Variants in ZBTB16 observed in about 807,000 individuals in gnomAD.
ZBTB16 encodes zinc finger and BTB domain-containing protein 16.
In ZBTB16, 8 loss-of-function variants were observed where a neutral mutation model predicts 56.8. That is an observed-to-expected ratio of 0.14 (90% CI 0.08 to 0.25). The LOEUF is 0.25. Among genes scored for constraint, ZBTB16 ranks in the 10% least tolerant of loss-of-function variants. The probability of loss-of-function intolerance (pLI) is 1.00; values close to 1 mark genes in which losing one functional copy is unlikely to be tolerated. For missense variants in ZBTB16, 625 were observed against 903.0 expected (o/e 0.69, Z 3.95); for synonymous variants, 363 against 368.5 (o/e 0.98, Z 0.17).
chr11:114,074,781 A>G (rs1027663691), intron 2 of ZBTB16, among the ~76,000 whole-genome samples: 1 of 152,224 alleles, frequency 6.6e-6, no homozygotes, highest in Non-Finnish European at 1.5e-5. Context: ...TGTTGCCGCT[A>G]AAGGTCCGCG....
At chr11:114,245,649 T>C (rs1305192464) in intron 5 of ZBTB16, among the ~76,000 whole-genome samples, 1 of 152,138 alleles carries the variant, frequency 6.6e-6, no homozygotes, top group Non-Finnish European at 1.5e-5. Context: ...TGCGAGTCTA[T>C]AACGAGAAGG....
intron 2 of ZBTB16, among the ~76,000 whole-genome samples, chr11:114,102,458 T>C (rs1021875654): frequency 6.6e-6 from 1 of 152,142 alleles, no homozygotes; most frequent in African/African-American, 2.4e-5. Flanking sequence ...TCATCACTCT[T>C]CTCCTTCATC....
At chr11:114,087,102 C>T (rs889485559) in intron 2 of ZBTB16, among the ~76,000 whole-genome samples, 4 of 152,156 alleles carry the variant, frequency 2.6e-5, no homozygotes, top group Non-Finnish European at 5.9e-5. Context: ...GGCCACCTCC[C>T]CCTCTTCCTG....
chr11:114,061,701 C>T (rs761044109), intron 1 of ZBTB16: 2 of 152,252 alleles, frequency 1.3e-5, no homozygotes, highest in African/African-American at 2.4e-5. Flanking sequence ...CTCCTGTAAG[C>T]GAGGTTTGGA....
At chr11:114,067,874 C>T (rs1184982621) in intron 2 of ZBTB16, among the ~76,000 whole-genome samples, 2 of 152,032 alleles carry the variant, frequency 1.3e-5, no homozygotes, top group Non-Finnish European at 1.5e-5. Flanking sequence ...CCCCTCGGGT[C>T]CCAGCTAGAT....
In ZBTB16 at chr11:114,252,779, C is replaced by T. The variant is rs979170094; in HGVS notation, c.*2224C>T. ...GGAGGGATGGGTGCTGCTGCGACGACCCCCCCGTCCCTCGGCCCCAGCCCT... is the reference window on the plus strand; with the variant it reads ...GGAGGGATGGGTGCTGCTGCGACGATCCCCCCGTCCCTCGGCCCCAGCCCT... On this transcript the variant is annotated 3_prime_UTR_variant, in exon 7 of 7. Coordinates refer to ENST00000335953, the MANE Select transcript of ZBTB16 (RefSeq NM_006006.6). Among the ~76,000 whole-genome samples, 12 of 151,968 alleles carry T rather than the reference C, an allele frequency of 7.9e-5. No homozygotes were observed. Among genetic ancestry groups the T allele is most frequent in the East Asian group, 1.9e-4 (1 of 5,176 alleles).
At chr11:114,190,780 T>C (rs549566625) in intron 4 of ZBTB16, among the ~76,000 whole-genome samples, 3 of 152,116 alleles carry the variant, frequency 2.0e-5, no homozygotes, top group Non-Finnish European at 2.9e-5. Context: ...CACATGTGTA[T>C]ACATACACAC....
Position 114,064,956 on chromosome 11 carries a change from G to A in ZBTB16, c.1268+388G>A, listed in dbSNP as rs1018530337. Among the ~76,000 whole-genome samples, 3 of 152,146 alleles carry A rather than the reference G, an allele frequency of 2.0e-5. No homozygotes were observed. The highest frequency in any genetic ancestry group is 7.2e-5 in the African/African-American group (3 of 41,418). ...TCTCTTGGGCCCTGCATCTGACCAT[G>A]TTACTAGGTTTCAGGTCCTCGGGTT... On this transcript the variant is annotated intron_variant, in intron 2 of 6. Transcript: ENST00000335953. This position sits in a 1 kb window ranked among gnomAD's most constrained non-coding sequence, Gnocchi z 4.2.
chr11:114,244,860 G>A (rs1468402973), intron 5 of ZBTB16, among the ~76,000 whole-genome samples: 2 of 149,552 alleles, frequency 1.3e-5, no homozygotes, highest in African/African-American at 2.4e-5. Context: ...CCCCCCCACC[G>A]CCGCCTTCAC....
rs1251837935 is a variant in ZBTB16 at position 114,254,493 on chromosome 11, A to G, written c.*3938A>G. Among the ~76,000 whole-genome samples the G allele has an allele frequency of 6.6e-6, 1 of 152,120 alleles. No individual in the cohort carries two copies. Among genetic ancestry groups the G allele is most frequent in the African/African-American group, 2.4e-5 (1 of 41,410 alleles). On this transcript the variant is annotated 3_prime_UTR_variant, in exon 7 of 7. Coordinates refer to ENST00000335953, the MANE Select transcript of ZBTB16 (RefSeq NM_006006.6). ...TGCTGTGGATGGAAGAGGGCCATTG[A>G]GCTTACCTCCCTATAGGGGAGAGAG...
intron 4 of ZBTB16, among the ~76,000 whole-genome samples, chr11:114,213,454 G>A (rs977675378): frequency 4.6e-5 from 7 of 152,088 alleles, no homozygotes; most frequent in Non-Finnish European, 8.8e-5. Flanking sequence ...CATTAAATTA[G>A]CGAATGCTAA....
chr11:114,086,023 G>A (rs1040865764), intron 2 of ZBTB16, among the ~76,000 whole-genome samples: 1 of 152,112 alleles, frequency 6.6e-6, no homozygotes, highest in African/African-American at 2.4e-5. Context: ...GGGTGGTGGT[G>A]GTAAAGAGCC....
intron 3 of ZBTB16, among the ~76,000 whole-genome samples, chr11:114,176,177 G>T (rs1198852403): frequency 6.6e-6 from 1 of 152,172 alleles, no homozygotes; most frequent in Non-Finnish European, 1.5e-5. Flanking sequence ...GGGGCCAACA[G>T]AAACTTCTCT....
At chr11:114,177,998 C>G (rs1433779814) in intron 3 of ZBTB16, among the ~76,000 whole-genome samples, 2 of 152,048 alleles carry the variant, frequency 1.3e-5, no homozygotes, top group African/African-American at 4.8e-5. Flanking sequence ...TCCCTGGTTC[C>G]CTTCTGGGTA....
At chr11:114,083,587 T>C (rs1391761468) in intron 2 of ZBTB16, among the ~76,000 whole-genome samples, 1 of 152,116 alleles carries the variant, frequency 6.6e-6, no homozygotes, top group Non-Finnish European at 1.5e-5. Flanking sequence ...CCCTCTGCCC[T>C]CTTAGGGTGA....
At chr11:114,187,222 A>G (rs682155) in intron 4 of ZBTB16, 184 bp downstream of exon 4, 412,443 of 696,830 alleles carry the variant, frequency 0.59, 125,048 homozygotes, top group African/African-American at 0.8. Flanking sequence ...GGCCCAGCAG[A>G]AGTTTACAAG....
intron 6 of ZBTB16, among the ~76,000 whole-genome samples, chr11:114,248,363 T>A (rs1944855611): frequency 6.6e-6 from 1 of 152,224 alleles, no homozygotes; most frequent in South Asian, 2.1e-4. Flanking sequence ...AACTTCAAGT[T>A]CAGTGACACC....
intron 2 of ZBTB16, among the ~76,000 whole-genome samples, chr11:114,075,629 G>GTGTATATATATATATATA (rs142761461): frequency 5.7e-5 from 8 of 141,100 alleles, no homozygotes; most frequent in Admixed American, 2.7e-4. Context: ...GCTAATTTTT[G>GTGTATATATATATATATA]TATATATATA....
intron 2 of ZBTB16, among the ~76,000 whole-genome samples, chr11:114,123,936 A>G (rs1348571226): frequency 6.6e-6 from 1 of 152,234 alleles, no homozygotes; most frequent in African/African-American, 2.4e-5. Context: ...GTGCCGCAAC[A>G]GAGACCAGAT....
Sources: allele counts gnomAD v4.1 joint callset (sites outside exome capture counted in the v4.1 genomes callset), GRCh38; gene constraint gnomAD v4.1.1; non-coding constraint Gnocchi (gnomAD v3.1); transcripts MANE v1.5; gene names NCBI Gene and HGNC (gene_info 2026-07-23, HGNC 2026-07-21).